CNTN4: variants seen among roughly 807,000 people sequenced by gnomAD.
CNTN4 encodes contactin-4.
Under a neutral mutation model 122.5 loss-of-function variants are expected in CNTN4, and 77 were observed. That is an observed-to-expected ratio of 0.63 (90% confidence interval 0.52 to 0.76). The LOEUF is 0.76. CNTN4 is among the 30% of genes least tolerant of loss of function. The probability of loss-of-function intolerance (pLI) is 0.00; values close to 1 mark genes in which losing one functional copy is unlikely to be tolerated. For missense variants in CNTN4, 1,256 were observed against 1,259.1 expected (o/e 1.00, Z 0.04); for synonymous variants, 512 against 447.0 (o/e 1.15, Z -1.83).
intron 23 of CNTN4, among the ~76,000 whole-genome samples, chr3:3,046,311 C>G (rs1210194004): frequency 6.6e-6 from 1 of 152,054 alleles, no homozygotes; most frequent in Non-Finnish European, 1.5e-5. Context: ...AGAGCAACTC[C>G]AAGACACATA....
chr3:2,958,501 C>G (rs1385364756), intron 13 of CNTN4, among the ~76,000 whole-genome samples: 1 of 152,150 alleles, frequency 6.6e-6, no homozygotes, highest in Non-Finnish European at 1.5e-5. Context: ...TAAATGTTAG[C>G]ATAAACAATC....
At chr3:2,622,174 G>A (rs891403402) in intron 4 of CNTN4, among the ~76,000 whole-genome samples, 2 of 152,066 alleles carry the variant, frequency 1.3e-5, no homozygotes, top group African/African-American at 2.4e-5. Flanking sequence ...TATGTATCCT[G>A]TACTCACTAT....
chr3:2,948,482 C>T (rs2094702576), intron 13 of CNTN4, among the ~76,000 whole-genome samples: 1 of 152,172 alleles, frequency 6.6e-6, no homozygotes, highest in African/African-American at 2.4e-5. Context: ...TATTTATTGA[C>T]CCTCCATTGC....
At chr3:2,814,349 T>C (rs1213441276) in intron 6 of CNTN4, among the ~76,000 whole-genome samples, 2 of 152,240 alleles carry the variant, frequency 1.3e-5, no homozygotes, top group African/African-American at 2.4e-5. Flanking sequence ...TGGTGACCAA[T>C]TGCTAAACGG....
chr3:2,460,260 T>C (rs2049157600), intron 3 of CNTN4, among the ~76,000 whole-genome samples: 1 of 152,152 alleles, frequency 6.6e-6, no homozygotes, highest in South Asian at 2.1e-4. Context: ...CATCATTGTT[T>C]TTCAGGTTTT....
intron 2 of CNTN4, among the ~76,000 whole-genome samples, chr3:2,181,754 T>C (rs1053339902): frequency 5.9e-5 from 9 of 152,106 alleles, no homozygotes; most frequent in Non-Finnish European, 8.8e-5. Context: ...TTAAAAACAT[T>C]TTTCCTTGTT....
At position 2,395,597 on chromosome 3, in the gene CNTN4, T is replaced by C. The variant is rs533694585; in HGVS notation, c.-89+56364T>C. Among the ~76,000 whole-genome samples the C allele has an allele frequency of 2.0e-4, 30 of 152,288 alleles. No homozygotes were observed. The South Asian group carries it at 5.8e-3, about 29-fold the overall frequency. On this transcript the variant is annotated intron_variant, in intron 3 of 24. Coordinates refer to ENST00000418658, the MANE Select transcript of CNTN4 (RefSeq NM_175607.3). ...GGCAGTTTTTCAGTCCTTGCCCCAC[T>C]CTTTTCCTCTCCTCTCTAGTAGTTC... is the stretch of plus-strand genomic sequence containing the variant.
intron 11 of CNTN4, 43 bp from the exon 12 acceptor site, chr3:2,902,833 T>C: frequency 3.8e-6 from 6 of 1,596,990 alleles, no homozygotes; most frequent in Non-Finnish European, 5.1e-6. Context: ...AAAGTCTCAG[T>C]TGTAGAAGGT....
intron 3 of CNTN4, among the ~76,000 whole-genome samples, chr3:2,514,713 G>T (rs1291104759): frequency 6.6e-6 from 1 of 152,070 alleles, no homozygotes; most frequent in East Asian, 1.9e-4. Flanking sequence ...TATGATTTCT[G>T]TGATCCTTCC....
intron 3 of CNTN4, among the ~76,000 whole-genome samples, chr3:2,376,233 C>G (rs1303751101): frequency 6.6e-6 from 1 of 152,170 alleles, no homozygotes; most frequent in Non-Finnish European, 1.5e-5. Flanking sequence ...CTGTGCTGCA[C>G]TTCTCCTTTA....
intron 2 of CNTN4, among the ~76,000 whole-genome samples, chr3:2,156,064 GT>G (rs1274477197): frequency 1.3e-5 from 2 of 152,154 alleles, no homozygotes; most frequent in African/African-American, 2.4e-5. Flanking sequence ...TTTATATGAG[GT>G]TTTCCCCTGA....
At position 2,883,254 on chromosome 3, in the gene CNTN4, T is replaced by C; in HGVS notation, c.755+7T>C. 6.2e-7 allele frequency: 1 copy of C among 1,607,716 alleles called. No individual in the cohort carries two copies. Among genetic ancestry groups the C allele is most frequent in the Non-Finnish European group, 8.5e-7 (1 of 1,175,068 alleles). On this transcript the variant is annotated splice_region_variant and intron_variant, in intron 9 of 24. Transcript: ENST00000418658. ...AATGCTTTGCTTTAGGAAAGTAAGT[T>C]CTGGTTTGCGTTCCTTCTCATCCTC... is the stretch of plus-strand genomic sequence containing the variant.
chr3:2,126,104 T>C (rs1299093960), intron 2 of CNTN4, among the ~76,000 whole-genome samples: 6 of 152,186 alleles, frequency 3.9e-5, no homozygotes, highest in African/African-American at 1.4e-4. Flanking sequence ...TATTTGAATG[T>C]CTGAGTATTA....
At chr3:2,778,249 TAAATA>T (rs1255806967) in intron 6 of CNTN4, among the ~76,000 whole-genome samples, 3 of 127,148 alleles carry the variant, frequency 2.4e-5, no homozygotes, top group Non-Finnish European at 3.5e-5. Context: ...AATAAATAAA[TAAATA>T]AAATAAAGAA....
chr3:2,121,496 CAAAA>C (rs201166713), intron 2 of CNTN4, among the ~76,000 whole-genome samples: 11 of 98,092 alleles, frequency 1.1e-4, no homozygotes, highest in African/African-American at 3.8e-4. Context: ...GACTCCGTCT[CAAAA>C]AAAAAAAAAA....
Position 2,332,190 on chromosome 3 carries a change from A to G in CNTN4, c.-144-6988A>G, listed in dbSNP as rs560927894. ...ATAGTAACTTATGGGCCACAATGCC[A>G]ACTACAGCTCCGGTAATGTTACAGT... On this transcript the variant is annotated intron_variant, in intron 2 of 24. Coordinates refer to ENST00000418658, the MANE Select transcript of CNTN4 (RefSeq NM_175607.3). 1.6e-4 allele frequency among the ~76,000 whole-genome samples: 24 copies of G among 152,286 alleles called. No homozygotes were observed. The South Asian group carries it at 2.5e-3, about 16-fold the overall frequency.
chr3:2,220,798 T>G (rs1361159159), intron 2 of CNTN4, among the ~76,000 whole-genome samples: 1 of 152,124 alleles, frequency 6.6e-6, no homozygotes, highest in African/African-American at 2.4e-5. Flanking sequence ...TAACTGTTAC[T>G]ATTGTCTTCA....
At chr3:2,543,945 A>G (rs2078135430) in intron 3 of CNTN4, among the ~76,000 whole-genome samples, 1 of 152,146 alleles carries the variant, frequency 6.6e-6, no homozygotes, top group Admixed American at 6.6e-5. Flanking sequence ...GGAAGCGACA[A>G]GCCTCTGTGG....
At chr3:2,884,323 C>CT (rs1020942931) in intron 9 of CNTN4, among the ~76,000 whole-genome samples, 2 of 152,176 alleles carry the variant, frequency 1.3e-5, no homozygotes, top group African/African-American at 4.8e-5. Flanking sequence ...GAAGAGGTTC[C>CT]TTTTTCCATT....
Sources: gnomAD v4.1 joint callset for allele counts (sites outside exome capture counted in the v4.1 genomes callset) on GRCh38, gnomAD v4.1.1 for gene constraint, MANE v1.5 for transcripts, NCBI Gene and HGNC (gene_info 2026-07-23, HGNC 2026-07-21) for gene names.